OPRM1: variants seen among roughly 807,000 people sequenced by gnomAD.
The protein encoded by OPRM1 is opioid receptor mu 1.
A neutral mutation model predicts 31.8 loss-of-function variants in OPRM1; 27 were observed. The ratio of observed to expected loss-of-function variants is 0.85; its 90% CI spans 0.63 to 1.17. OPRM1 has a LOEUF of 1.17. OPRM1 is among the 50% of genes most tolerant of loss of function. OPRM1 has a pLI of 0.00. For missense variants in OPRM1, 536 were observed against 511.1 expected, an observed-to-expected ratio of 1.05 and a Z score of -0.47; for synonymous variants, 196 against 189.9, an observed-to-expected ratio of 1.03 and a Z score of -0.26.
At chr6:154,216,496 T>C (rs760637900) in intron 3 of OPRM1, among the ~76,000 whole-genome samples, 3 of 152,226 alleles carry the variant, frequency 2.0e-5, no homozygotes, top group Non-Finnish European at 4.4e-5. Flanking sequence ...CCTGATCCAC[T>C]GTACTTCAAA....
At chr6:154,228,714 T>C (rs1027563822) in intron 3 of OPRM1, among the ~76,000 whole-genome samples, 22 of 152,156 alleles carry the variant, frequency 1.4e-4, no homozygotes, top group Non-Finnish European at 2.9e-4. Context: ...TCTAGAGTAT[T>C]TGTCTCCTTT....
intron 3 of OPRM1, among the ~76,000 whole-genome samples, chr6:154,212,342 T>A (rs891638658): frequency 6.6e-6 from 1 of 152,254 alleles, no homozygotes; most frequent in African/African-American, 2.4e-5. Context: ...GACTTCCTGC[T>A]CTCTTTCTGG....
chr6:154,152,247 GAAGA>G (rs974314249), intron 3 of OPRM1, among the ~76,000 whole-genome samples: 10 of 128,912 alleles, frequency 7.8e-5, no homozygotes, highest in East Asian at 2.1e-4. Flanking sequence ...AAAAGAAAAA[GAAGA>G]AAGAAAAGAA....
rs150950426 is a variant in OPRM1, at chr6:154,125,466, C to T, written c.*6745C>T. 6.6e-4 allele frequency among the ~76,000 whole-genome samples: 101 copies of T among 152,270 alleles called. No individual in the cohort carries two copies. The highest frequency in any genetic ancestry group is 2.4e-3 in the African/African-American group (98 of 41,562). On this transcript the variant is annotated 3_prime_UTR_variant, in exon 4 of 4. Transcript: ENST00000330432. ...CCAACTAAAAGTATTACATTCTTAG[C>T]ATAAGTATACTCATAAAGAAAAATA...
chr6:154,150,922 C>T (rs1025639856), intron 3 of OPRM1, among the ~76,000 whole-genome samples: 1 of 152,230 alleles, frequency 6.6e-6, no homozygotes, highest in African/African-American at 2.4e-5. Context: ...TAGACCTGAG[C>T]CTGTTATCTA....
At chr6:154,182,610 C>CA (rs1351881978) in intron 3 of OPRM1, among the ~76,000 whole-genome samples, 2 of 152,084 alleles carry the variant, frequency 1.3e-5, no homozygotes, top group Admixed American at 6.6e-5. Context: ...GGTGTACATA[C>CA]AAAAAAGATA....
intron 3 of OPRM1, among the ~76,000 whole-genome samples, chr6:154,225,392 A>C (rs1949691230): frequency 6.6e-6 from 1 of 152,254 alleles, no homozygotes; most frequent in Non-Finnish European, 1.5e-5. Context: ...GTATCTATAC[A>C]ATGGGATATT....
At chr6:154,159,625 A>G in intron 3 of OPRM1, 1 of 577,908 alleles carries the variant, frequency 1.7e-6, no homozygotes, top group Non-Finnish European at 3.0e-6. Flanking sequence ...CAATCATTCC[A>G]ATCTCAATGG....
chr6:154,221,810 C>T (rs1211810971), intron 3 of OPRM1, among the ~76,000 whole-genome samples: 2 of 151,966 alleles, frequency 1.3e-5, no homozygotes, highest in South Asian at 2.1e-4. Flanking sequence ...GGAGGCAGAG[C>T]TTGCAGTGAG....
At chr6:154,041,359 A>G (rs1019676486) in intron 1 of OPRM1, among the ~76,000 whole-genome samples, 10 of 152,232 alleles carry the variant, frequency 6.6e-5, no homozygotes, top group Admixed American at 3.9e-4. Flanking sequence ...AAGTAATTCA[A>G]TACAATGATT....
At chr6:154,092,843 C>G (rs17181269) in intron 3 of OPRM1, among the ~76,000 whole-genome samples, 1 of 152,192 alleles carries the variant, frequency 6.6e-6, no homozygotes, top group African/African-American at 2.4e-5. Flanking sequence ...TGATGGCAGA[C>G]CCACTTCCAG....
At chr6:154,072,570 C>A (rs1787016462) in intron 1 of OPRM1, among the ~76,000 whole-genome samples, 1 of 152,164 alleles carries the variant, frequency 6.6e-6, no homozygotes, top group Non-Finnish European at 1.5e-5. Flanking sequence ...GGTCCCCAAG[C>A]TCCAGAACAC....
At chr6:154,053,444 A>G (rs995093732) in intron 1 of OPRM1, among the ~76,000 whole-genome samples, 1 of 152,194 alleles carries the variant, frequency 6.6e-6, no homozygotes, top group Non-Finnish European at 1.5e-5. Flanking sequence ...TGTCTGACTT[A>G]CATATTGCTC....
At chr6:154,242,200 A>C (rs1480285317) in intron 3 of OPRM1, among the ~76,000 whole-genome samples, 1 of 152,168 alleles carries the variant, frequency 6.6e-6, no homozygotes, top group African/African-American at 2.4e-5. Context: ...TACTTCTCAA[A>C]GATCCTAATA....
intron 1 of OPRM1, among the ~76,000 whole-genome samples, chr6:154,062,806 G>A (rs1784662298): frequency 6.6e-6 from 1 of 152,000 alleles, no homozygotes; most frequent in African/African-American, 2.4e-5. Context: ...AAAATATTCA[G>A]ACATCAGCAG....
At chr6:154,242,071 T>G (rs1780642772) in intron 3 of OPRM1, among the ~76,000 whole-genome samples, 1 of 152,236 alleles carries the variant, frequency 6.6e-6, no homozygotes, top group Non-Finnish European at 1.5e-5. Flanking sequence ...TAATAAAATC[T>G]ATCTTGCTCG....
intron 3 of OPRM1, among the ~76,000 whole-genome samples, chr6:154,241,625 T>C (rs908687609): frequency 1.3e-5 from 2 of 152,178 alleles, no homozygotes; most frequent in Admixed American, 6.5e-5. Flanking sequence ...ATTTGCGTAG[T>C]GCGCCCTACA....
In OPRM1 at chr6:154,027,284, C is replaced by CTTGTTTGT. The variant is rs111711727; in HGVS notation, c.1-11866_1-11859dup. 9.0e-3 allele frequency among the ~76,000 whole-genome samples: 1,363 copies of CTTGTTTGT among 151,696 alleles called. 28 individuals carry two copies. Among genetic ancestry groups the CTTGTTTGT allele is most frequent in the African/African-American group, 0.031 (1,286 of 41,280 alleles). ...TTACCAGGTAGAGACTCTTGTGTTT[C>CTTGTTTGT]TTGTTTGTTTGTTTGTTTTTCCTGT... On this transcript the variant is annotated intron_variant, in intron 1 of 5. Transcript: ENST00000434900.
At chr6:154,203,787 G>T (rs1777263872) in intron 3 of OPRM1, among the ~76,000 whole-genome samples, 1 of 152,062 alleles carries the variant, frequency 6.6e-6, no homozygotes, top group African/African-American at 2.4e-5. Flanking sequence ...CACATAATTG[G>T]TGACAAATTA....
Sources: gnomAD v4.1 joint callset for allele counts (sites outside exome capture counted in the v4.1 genomes callset) on GRCh38, gnomAD v4.1.1 for gene constraint, MANE v1.5 for transcripts, NCBI Gene and HGNC (gene_info 2026-07-23, HGNC 2026-07-21) for gene names.